Variants in DAGLA observed in about 807,000 individuals in gnomAD.
DAGLA encodes diacylglycerol lipase-alpha.
DAGLA carries 22 observed loss-of-function variants against 102.6 expected under a neutral mutation model. The ratio of observed to expected loss-of-function variants is 0.21; its 90% CI spans 0.15 to 0.31. The LOEUF (loss-of-function observed/expected upper bound fraction) is 0.31. Among genes scored for constraint, DAGLA ranks in the 10% least tolerant of loss-of-function variants. DAGLA has a pLI of 1.00. For missense variants in DAGLA, 927 were observed against 1,446.6 expected, an observed-to-expected ratio of 0.64 and a Z score of 5.83; for synonymous variants, 578 against 628.9, an observed-to-expected ratio of 0.92 and a Z score of 1.21.
intron 8 of DAGLA, among the ~76,000 whole-genome samples, 161 bp downstream of exon 8, chr11:61,729,169 C>T (rs2135592152): frequency 6.6e-6 from 1 of 152,342 alleles, no homozygotes; most frequent in South Asian, 2.1e-4. Context: ...TCAGATCATG[C>T]CCCTCACGAG....
chr11:61,687,158 G>A (rs1052843730), intron 1 of DAGLA, among the ~76,000 whole-genome samples: 19 of 152,110 alleles, frequency 1.2e-4, no homozygotes, highest in Admixed American at 9.2e-4. Context: ...TCCATCTTAC[G>A]GGCGGCTTAG....
At chr11:61,690,565 G>A (rs1410197776) in intron 1 of DAGLA, among the ~76,000 whole-genome samples, 13 of 152,170 alleles carry the variant, frequency 8.5e-5, no homozygotes, top group Admixed American at 8.5e-4. Context: ...TAGGCTCTGT[G>A]CTCAGGACAG....
At position 61,731,387 on chromosome 11, in the gene DAGLA, T is replaced by C. The variant is rs1565261048; in HGVS notation, c.920T>C (p.Met307Thr). The C allele has an allele frequency of 1.2e-6, 2 of 1,614,082 alleles. No individual in the cohort carries two copies. ...LFALAAYGWP[M>T]YLMRKPACGL... ...GCCCTGGCTGCCTACGGGTGGCCCATGTACCTGATGCGGAAGCCCGCCTGC... is the reference window on the plus strand; with the variant it reads ...GCCCTGGCTGCCTACGGGTGGCCCACGTACCTGATGCGGAAGCCCGCCTGC... Residue 307 changes from methionine to threonine, a missense_variant, in exon 9 of 20, where the codon ATG becomes ACG. Met to Thr is a moderately conservative substitution (Grantham distance 81). Coordinates refer to ENST00000257215, the MANE Select transcript of DAGLA (RefSeq NM_006133.3).
At chr11:61,703,950 GAC>G (rs985882536) in intron 1 of DAGLA, among the ~76,000 whole-genome samples, 3 of 152,154 alleles carry the variant, frequency 2.0e-5, no homozygotes, top group African/African-American at 7.2e-5. Flanking sequence ...GCTATGATTG[GAC>G]ACAAAGAGTA....
In DAGLA at chr11:61,704,003, G is replaced by GCTCC. The variant is rs1325052617; in HGVS notation, c.-44-16108_-44-16107insTCCC. 2.7e-3 allele frequency among the ~76,000 whole-genome samples: 411 copies of GCTCC among 152,334 alleles called. 1 individual carries two copies. Among genetic ancestry groups the GCTCC allele is most frequent in the Non-Finnish European group, 4.1e-3 (281 of 68,036 alleles). On this transcript the variant is annotated intron_variant, in intron 1 of 19. Coordinates refer to ENST00000257215, the MANE Select transcript of DAGLA (RefSeq NM_006133.3). ...AGACTGAGTGGGGAAACCCAGCAAG[G>GCTCC]CCTGCTCTCAGATCCTTCTTGGCCT...
Position 61,686,008 on chromosome 11 carries a change from T to C in DAGLA, c.-45+5504T>C, listed in dbSNP as rs2135546797. Among the ~76,000 whole-genome samples, 1 of 152,240 alleles carries C rather than the reference T, an allele frequency of 6.6e-6. No homozygotes were observed. The highest frequency in any genetic ancestry group is 2.4e-5 in the African/African-American group (1 of 41,550). On this transcript the variant is annotated intron_variant, in intron 1 of 19. Coordinates refer to ENST00000257215, the MANE Select transcript of DAGLA (RefSeq NM_006133.3). The surrounding 1 kb of genome is among the most constrained non-coding windows in gnomAD (Gnocchi z 5.2). ...AACGCATGGGCATTCACTGAAGTGT[T>C]CTGAGCAAGGGTTTGGAGGCTGGTG...
rs377269260 is a variant in DAGLA, at chr11:61,737,748, G to A, written c.1576G>A (p.Val526Ile). 1.9e-5 allele frequency: 31 copies of A among 1,613,862 alleles called. No individual in the cohort carries two copies. The highest frequency in any genetic ancestry group is 6.7e-5 in the African/African-American group (5 of 74,878). Reference sequence around the variant, plus strand: ...TGCTGTGGTTCTGGGCAAAGACCTCGTCCCCAGGTGAGTCCTTGGCCCCGC... The same window carrying A: ...TGCTGTGGTTCTGGGCAAAGACCTCATCCCCAGGTGAGTCCTTGGCCCCGC... The part of the protein sequence containing the change: ...VTAVVLGKDL[V>I]PRIGLSQLEG... Residue 526 changes from valine (V) to isoleucine (I), a missense_variant, in exon 15 of 20, where the codon GTC (valine) becomes ATC (isoleucine). Coordinates refer to ENST00000257215, the MANE Select transcript of DAGLA (RefSeq NM_006133.3).
chr11:61,680,790 G>T (rs1389478523), intron 1 of DAGLA, among the ~76,000 whole-genome samples: 2 of 152,264 alleles, frequency 1.3e-5, no homozygotes, highest in South Asian at 2.1e-4. Context: ...CCTTGGTGCG[G>T]TGGTGGCCAC....
At position 61,682,824 on chromosome 11, in the gene DAGLA, G is replaced by A. The variant is rs570670685; in HGVS notation, c.-45+2320G>A. 2.6e-5 allele frequency among the ~76,000 whole-genome samples: 4 copies of A among 151,620 alleles called. No homozygotes were observed. In the East Asian group the frequency reaches 5.9e-4, roughly 22 times the overall value. ...TGGCTCAGGTCTGGATGGTTCTGCG[G>A]GAGGTTGAGGCTGGATGGCAGGGGG... On this transcript the variant is annotated intron_variant, in intron 1 of 19. Coordinates refer to ENST00000257215, the MANE Select transcript of DAGLA (RefSeq NM_006133.3).
intron 13 of DAGLA, 102 bp from the exon 14 acceptor site, chr11:61,737,080 G>T: frequency 6.7e-7 from 1 of 1,491,612 alleles, no homozygotes; most frequent in Non-Finnish European, 9.2e-7. Flanking sequence ...AAGATCCCAG[G>T]ACTCTGGGAA....
In DAGLA at chr11:61,720,724, G is replaced by A. The variant is rs200113525; in HGVS notation, c.141G>A (p.Pro47=). 8.7e-6 allele frequency: 14 copies of A among 1,613,812 alleles called. No homozygotes were observed. The highest frequency in any genetic ancestry group is 2.2e-5 in the South Asian group (2 of 91,084). The change falls in exon 3 of 20, where the codon CCG becomes CCA. Residue 47 remains proline, a synonymous_variant. Transcript: ENST00000257215. ...TGCTCTTCGGCCTGGTCTATAACCC[G>A]CACGAGGCCTGCTCCCTGAACCTGG... ...SVVLFGLVYN[P]HEACSLNLVD...
chr11:61,730,773 G>C (rs903531506), intron 8 of DAGLA, among the ~76,000 whole-genome samples: 3 of 152,210 alleles, frequency 2.0e-5, no homozygotes, highest in African/African-American at 7.2e-5. Flanking sequence ...GCCTGCAGCT[G>C]GCTGAGTCAA....
chr11:61,733,085 A>G (rs1226247601), intron 9 of DAGLA, among the ~76,000 whole-genome samples: 2 of 152,362 alleles, frequency 1.3e-5, no homozygotes, highest in East Asian at 1.9e-4. Flanking sequence ...CCATTTCTGC[A>G]TCTTGGACCC....
rs2065431215 is a variant in DAGLA, at chr11:61,737,272, C to T, written c.1462C>T (p.Gln488Ter). 1 of 1,612,908 alleles carries T rather than the reference C, an allele frequency of 6.2e-7. No homozygotes were observed. The change falls in exon 14 of 20, where the codon CAG (glutamine) becomes TAG (stop). Residue 488 changes from glutamine (Q) to a stop codon, truncating the protein, a stop_gained. Coordinates refer to ENST00000257215, the MANE Select transcript of DAGLA (RefSeq NM_006133.3). LOFTEE classifies it high-confidence loss of function. Reference sequence around the variant, plus strand: ...CATCCTCTCCTTCCTTCTGCGCCCACAGTATCCGACCCTCAAGTGCTTTGC... The same window carrying T: ...CATCCTCTCCTTCCTTCTGCGCCCATAGTATCCGACCCTCAAGTGCTTTGC... ...AAILSFLLRP[Q>*]YPTLKCFAYS...
intron 1 of DAGLA, among the ~76,000 whole-genome samples, chr11:61,682,428 GT>G (rs2064950375): frequency 6.6e-6 from 1 of 152,166 alleles, no homozygotes; most frequent in Admixed American, 6.5e-5. Flanking sequence ...CATGCTCCCG[GT>G]GGGGGCAAGT....
intron 1 of DAGLA, among the ~76,000 whole-genome samples, chr11:61,704,271 A>G (rs568135718): frequency 1.3e-5 from 2 of 152,208 alleles, no homozygotes; most frequent in East Asian, 3.9e-4. Flanking sequence ...GGCGCGTGCC[A>G]CCATGCCCAG....
At chr11:61,726,343 C>G (rs2065326598) in intron 6 of DAGLA, among the ~76,000 whole-genome samples, 1 of 7,508 alleles carries the variant, frequency 1.3e-4, no homozygotes, top group Non-Finnish European at 7.1e-3. Flanking sequence ...AACTTATACT[C>G]TAGTTTAAGG....
At chr11:61,700,362 C>T (rs960697617) in intron 1 of DAGLA, among the ~76,000 whole-genome samples, 2 of 146,876 alleles carry the variant, frequency 1.4e-5, no homozygotes, top group Admixed American at 6.6e-5. Context: ...CAGTCCCTGC[C>T]CTGACCTTCT....
rs772926948 is a variant in DAGLA, at chr11:61,743,987, A to T, written c.2627A>T (p.Asn876Ile). 30 of 1,611,892 alleles carry T rather than the reference A, an allele frequency of 1.9e-5. No homozygotes were observed. Among genetic ancestry groups the T allele is most frequent in the Non-Finnish European group, 2.3e-5 (27 of 1,179,672 alleles). The part of the protein sequence containing the change: ...TPERPPSAAA[N>I]DEEEEVGGGG... ...GAGCGGCCCCCCAGTGCTGCGGCCA[A>T]TGACGAGGAGGAAGAGGTTGGCGGT... Residue 876 changes from asparagine to isoleucine, a missense_variant, in exon 20 of 20, where the codon AAT becomes ATT. This residue lies in a region of DAGLA where 434 missense variants were observed against 503.3 expected (regional missense o/e 0.86). Transcript: ENST00000257215.
Sources: gnomAD v4.1 joint callset for allele counts (sites outside exome capture counted in the v4.1 genomes callset) on GRCh38, gnomAD v4.1.1 for gene constraint, gnomAD v4.1.1 regional missense constraint, Gnocchi (gnomAD v3.1) non-coding constraint, MANE v1.5 for transcripts, NCBI Gene and HGNC (gene_info 2026-07-23, HGNC 2026-07-21) for gene names.